Variants in PRSS23 observed in about 807,000 individuals in gnomAD.
PRSS23 encodes the protein protease, serine 23.
A neutral mutation model predicts 34.7 loss-of-function variants in PRSS23; 25 were observed. The observed-to-expected ratio is 0.72, with a 90% CI of 0.53 to 1.01. The LOEUF (loss-of-function observed/expected upper bound fraction) is 1.01. Ranked by LOEUF, PRSS23 falls within the 50% of genes least tolerant of loss-of-function variation. The pLI is 0.00. For missense variants in PRSS23, 445 were observed against 475.6 expected (o/e 0.94, Z 0.60); for synonymous variants, 176 against 186.6 (o/e 0.94, Z 0.46).
At chr11:86,922,844 A>T (rs1949055749) in intron 2 of PRSS23, among the ~76,000 whole-genome samples, 1 of 152,178 alleles carries the variant, frequency 6.6e-6, no homozygotes, top group Admixed American at 6.5e-5. Context: ...CCTGGCATAT[A>T]ACAGGTGCAC....
chr11:86,868,645 C>T (rs971790148), intron 2 of PRSS23, among the ~76,000 whole-genome samples: 2 of 152,090 alleles, frequency 1.3e-5, no homozygotes, highest in Non-Finnish European at 2.9e-5. Context: ...CCATGGGATT[C>T]CTTGCAGCCT....
chr11:86,912,898 C>T, intron 2 of PRSS23, among the ~76,000 whole-genome samples: 1 of 152,042 alleles, frequency 6.6e-6, no homozygotes, highest in Non-Finnish European at 1.5e-5. Context: ...TACATTCATC[C>T]AAAAAGTGTT....
intron 1 of PRSS23, chr11:86,821,676 A>G: frequency 1.3e-6 from 2 of 1,526,868 alleles, no homozygotes; most frequent in Non-Finnish European, 9.0e-7. Flanking sequence ...TATTGGAGCA[A>G]TCTGCTCTTA....
At chr11:86,848,144 G>A (rs1565365005) in intron 2 of PRSS23, among the ~76,000 whole-genome samples, 1 of 152,210 alleles carries the variant, frequency 6.6e-6, no homozygotes, top group Non-Finnish European at 1.5e-5. Context: ...AATAAAGGCA[G>A]ATTTAGGGAA....
chr11:86,926,176 A>G (rs1949080039), intron 2 of PRSS23, among the ~76,000 whole-genome samples: 1 of 152,192 alleles, frequency 6.6e-6, no homozygotes, highest in Non-Finnish European at 1.5e-5. Context: ...CAGCCTGACC[A>G]ATATGGTGAA....
intron 2 of PRSS23, among the ~76,000 whole-genome samples, chr11:86,826,477 C>A (rs1416750734): frequency 6.6e-6 from 1 of 152,066 alleles, no homozygotes; most frequent in African/African-American, 2.4e-5. Context: ...AATTGAATAC[C>A]CTTTATTTCC....
chr11:86,928,697 A>ATATATATATAT (rs59782177), intron 2 of PRSS23, among the ~76,000 whole-genome samples: 1 of 47,262 alleles, frequency 2.1e-5, no homozygotes, highest in Non-Finnish European at 4.9e-5. Flanking sequence ...AAAAAAAAAA[A>ATATATATATAT]AAAAAAAAAT....
chr11:86,808,856 A>C lies in PRSS23; in HGVS notation c.*61A>C. 1 of 1,462,430 alleles carries C rather than the reference A, an allele frequency of 6.8e-7. No individual in the cohort carries two copies. The highest frequency in any genetic ancestry group is 9.3e-7 in the Non-Finnish European group (1 of 1,076,068). 90.6% of individuals were successfully genotyped at this position (1,462,430 alleles called of 1,614,324 possible). A position where few individuals can be genotyped will look rare whatever the true frequency, so the allele number is the denominator to read the frequency against. On this transcript the variant is annotated 3_prime_UTR_variant, in exon 2 of 2. Coordinates refer to ENST00000280258, the MANE Select transcript of PRSS23 (RefSeq NM_007173.6). ...CATGTTCTTATTTTAGGAGAGGCCA[A>C]ATTGTTTTTTGTCATTGGCGTGCAC...
Position 86,843,699 on chromosome 11 carries a change from A to G in PRSS23, c.206+20106A>G, listed in dbSNP as rs9804580. ...ATCACTTGTCATCAGAGAAATGCAAATCAAAACTACAATGAGATCTCATTT... is the reference window on the plus strand; with the variant it reads ...ATCACTTGTCATCAGAGAAATGCAAGTCAAAACTACAATGAGATCTCATTT... On this transcript the variant is annotated intron_variant, in intron 2 of 2. Coordinates refer to the PRSS23 transcript ENST00000533902. Among the ~76,000 whole-genome samples, 1,336 of 152,360 alleles carry G rather than the reference A, an allele frequency of 8.8e-3. 34 individuals carry two copies. Among genetic ancestry groups the G allele is most frequent in the African/African-American group, 0.03 (1,268 of 41,586 alleles).
At chr11:86,845,544 AGAG>A (rs1948480287) in intron 2 of PRSS23, among the ~76,000 whole-genome samples, 1 of 152,228 alleles carries the variant, frequency 6.6e-6, no homozygotes, top group African/African-American at 2.4e-5. Context: ...TCTCAGAATG[AGAG>A]GAGGTGCCAG....
At chr11:86,797,168 C>A (rs1947986535), upstream of PRSS23, among the ~76,000 whole-genome samples, 1 of 152,210 alleles carries the variant, frequency 6.6e-6, no homozygotes, top group African/African-American at 2.4e-5. Flanking sequence ...TCGGGAATTA[C>A]AATTATAGAG....
Position 86,807,967 on chromosome 11 carries a change from T to C in PRSS23, c.324T>C (p.Ser108=). The C allele has an allele frequency of 1.2e-6, 2 of 1,613,716 alleles. No homozygotes were observed. The highest frequency in any genetic ancestry group is 2.2e-5 in the East Asian group (1 of 44,854). The change falls in exon 2 of 2, where the codon AGT becomes AGC. Residue 108 remains serine (S), a synonymous_variant. Coordinates refer to ENST00000280258, the MANE Select transcript of PRSS23 (RefSeq NM_007173.6). ...ETQVGIYILS[S]SGDGAQHRDS... is the part of the protein sequence containing the mutation. ...AGGTGGGCATCTACATCCTCAGCAG[T>C]AGTGGAGATGGGGCCCAACACCGAG...
chr11:86,920,946 C>A lies in PRSS23; in HGVS notation c.207-30270C>A, dbSNP rs143635411. 3.3e-5 allele frequency among the ~76,000 whole-genome samples: 5 copies of A among 152,248 alleles called. No individual in the cohort carries two copies. The East Asian group carries it at 9.6e-4, about 29-fold the overall frequency. ...TTACTTTCCCTCTCAGCGCCATTTG[C>A]TACAGTAAGAAACTTTCTTTCTTGA... On this transcript the variant is annotated intron_variant, in intron 2 of 2. Coordinates refer to the PRSS23 transcript ENST00000533902.
chr11:86,891,396 C>T (rs1285156702), intron 2 of PRSS23, among the ~76,000 whole-genome samples: 1 of 152,138 alleles, frequency 6.6e-6, no homozygotes, highest in Non-Finnish European at 1.5e-5. Context: ...TTATTTGCCA[C>T]AGGGTATTCC....
intron 2 of PRSS23, chr11:86,936,905 G>A (rs975888356): frequency 6.6e-6 from 1 of 151,582 alleles, no homozygotes; most frequent in South Asian, 2.1e-4. Context: ...AAGAGTTCTG[G>A]TCATACCCTT....
intron 1 of PRSS23, among the ~76,000 whole-genome samples, chr11:86,801,058 C>T (rs762881052): frequency 3.9e-5 from 6 of 152,124 alleles, no homozygotes; most frequent in Admixed American, 1.3e-4. Flanking sequence ...TTGCATATAC[C>T]GGATTCCATC....
intron 2 of PRSS23, among the ~76,000 whole-genome samples, chr11:86,928,195 T>C (rs1246080556): frequency 6.9e-6 from 1 of 145,696 alleles, no homozygotes; most frequent in Non-Finnish European, 1.5e-5. Flanking sequence ...AGCATATGTA[T>C]TACAAATATT....
At chr11:86,807,223 A>T (rs1954769) in intron 1 of PRSS23, among the ~76,000 whole-genome samples, 17,628 of 152,016 alleles carry the variant, frequency 0.12, 1,388 homozygotes, top group East Asian at 0.41. Context: ...TGAGAGAAGG[A>T]GGAGGGAAAG....
chr11:86,825,816 C>T (rs1315909253), intron 2 of PRSS23, among the ~76,000 whole-genome samples: 127 of 150,066 alleles, frequency 8.5e-4, no homozygotes, highest in Admixed American at 3.1e-3. Flanking sequence ...TTTCTGAGGG[C>T]TCTGTTCTGT....
Sources: allele counts gnomAD v4.1 joint callset (sites outside exome capture counted in the v4.1 genomes callset), GRCh38; gene constraint gnomAD v4.1.1; transcripts MANE v1.5; gene names NCBI Gene and HGNC (gene_info 2026-07-23, HGNC 2026-07-21).